EBF2: variants seen among roughly 807,000 people sequenced by gnomAD.
EBF2 encodes the protein EBF transcription factor 2.
Under a neutral mutation model 72.8 loss-of-function variants are expected in EBF2, and 21 were observed. That is an observed-to-expected ratio of 0.29 (90% confidence interval 0.20 to 0.42). The LOEUF (loss-of-function observed/expected upper bound fraction) is 0.42, where lower values mean the gene tolerates loss of function less well. Among genes scored for constraint, EBF2 ranks in the 10% least tolerant of loss-of-function variants. The probability of loss-of-function intolerance (pLI) is 1.00; values close to 1 mark genes in which losing one functional copy is unlikely to be tolerated. For missense variants in EBF2, 637 were observed against 731.2 expected, an observed-to-expected ratio of 0.87 and a Z score of 1.49; for synonymous variants, 299 against 274.2, an observed-to-expected ratio of 1.09 and a Z score of -0.89.
At chr8:25,963,997 T>C (rs1216089017) in intron 6 of EBF2, among the ~76,000 whole-genome samples, 1 of 152,122 alleles carries the variant, frequency 6.6e-6, no homozygotes, top group Non-Finnish European at 1.5e-5. Flanking sequence ...TCCTTGCTGC[T>C]GATGAAGCAC....
intron 10 of EBF2, among the ~76,000 whole-genome samples, chr8:25,883,645 G>A (rs542474127): frequency 2.0e-5 from 3 of 152,148 alleles, no homozygotes; most frequent in South Asian, 2.1e-4. Flanking sequence ...GCACACACAC[G>A]TACACAACAC....
At chr8:25,998,552 G>A (rs979344759) in intron 6 of EBF2, among the ~76,000 whole-genome samples, 4 of 152,188 alleles carry the variant, frequency 2.6e-5, no homozygotes, top group Non-Finnish European at 5.9e-5. Context: ...ATCCTTCCAT[G>A]TAAACTCCAG....
chr8:25,955,065 C>T (rs1310444263), intron 6 of EBF2, among the ~76,000 whole-genome samples: 2 of 152,176 alleles, frequency 1.3e-5, no homozygotes, highest in Non-Finnish European at 2.9e-5. Context: ...GAGGAGGGCA[C>T]GGAGCGCATC....
At chr8:26,020,215 C>A (rs564029079) in intron 6 of EBF2, among the ~76,000 whole-genome samples, 2 of 152,236 alleles carry the variant, frequency 1.3e-5, no homozygotes, top group Admixed American at 1.3e-4. Context: ...CTGTCATGAC[C>A]AAATATTAAA....
At position 25,853,824 on chromosome 8, in the gene EBF2, T is replaced by G. The variant is rs73677223; in HGVS notation, c.1529-3063A>C. 3.4e-3 allele frequency among the ~76,000 whole-genome samples: 438 copies of G among 129,406 alleles called. 3 individuals carry two copies. The highest frequency in any genetic ancestry group is 0.015 in the African/African-American group (413 of 27,652). 84.9% of individuals were successfully genotyped at this position (129,406 alleles called of 152,430 possible). A position where few individuals can be genotyped will look rare whatever the true frequency, so the allele number is the denominator to read the frequency against. Reference sequence around the variant, plus strand: ...GTTGTAGAATAATCACATGGAAATATACACCTCTTCAGATGAAAAAAAAAC... The same window carrying G: ...GTTGTAGAATAATCACATGGAAATAGACACCTCTTCAGATGAAAAAAAAAC... On this transcript the variant is annotated intron_variant, in intron 14 of 15. Transcript: ENST00000520164.
At chr8:25,906,547 A>C (rs1803035333) in intron 7 of EBF2, among the ~76,000 whole-genome samples, 3 of 152,138 alleles carry the variant, frequency 2.0e-5, no homozygotes, top group African/African-American at 7.2e-5. Context: ...CGGGTGGATC[A>C]CTTGAGGTCT....
chr8:25,968,458 C>T (rs778828681), intron 6 of EBF2, among the ~76,000 whole-genome samples: 19 of 152,166 alleles, frequency 1.2e-4, no homozygotes, highest in Non-Finnish European at 7.3e-5. Flanking sequence ...TAATCCCACT[C>T]ACATGAGGTT....
chr8:25,856,471 A>G (rs1394611302), intron 14 of EBF2, among the ~76,000 whole-genome samples: 3 of 152,224 alleles, frequency 2.0e-5, no homozygotes, highest in Non-Finnish European at 4.4e-5. Flanking sequence ...AAGTCATTCA[A>G]TAACTCTTCA....
intron 5 of EBF2, 23 bp downstream of exon 5, chr8:26,040,005 G>A (rs766452547): frequency 6.2e-7 from 1 of 1,611,658 alleles, no homozygotes; most frequent in Non-Finnish European, 8.5e-7. Flanking sequence ...CTCCAGGAAG[G>A]CCTGGGAAAA....
At chr8:25,872,649 T>G (rs953727336) in intron 10 of EBF2, among the ~76,000 whole-genome samples, 2 of 151,698 alleles carry the variant, frequency 1.3e-5, no homozygotes, top group Non-Finnish European at 2.9e-5. Flanking sequence ...GGAAAACCAC[T>G]GAAAGGTTTT....
intron 6 of EBF2, among the ~76,000 whole-genome samples, chr8:25,956,278 TGTG>T (rs1166012462): frequency 6.6e-6 from 1 of 151,858 alleles, no homozygotes; most frequent in Non-Finnish European, 1.5e-5. Context: ...ATTAGCTGGG[TGTG>T]GTGGCACATG....
intron 11 of EBF2, among the ~76,000 whole-genome samples, chr8:25,862,463 T>A (rs1262035154): frequency 6.6e-6 from 1 of 152,232 alleles, no homozygotes; most frequent in African/African-American, 2.4e-5. Context: ...GTTGGCCATG[T>A]TTTTTAAACT....
Position 25,858,479 on chromosome 8 carries a change from G to A in EBF2, c.1368C>T (p.Ile456=). 6.2e-7 allele frequency: 1 copy of A among 1,613,914 alleles called. No individual in the cohort carries two copies. The highest frequency in any genetic ancestry group is 8.5e-7 in the Non-Finnish European group (1 of 1,179,980). ...AGCTGGAAGAGTATCCCCGCGGAGAGATGCTGCTTGTGTTGCGGATGTACC... is the reference window on the plus strand; with the variant it reads ...AGCTGGAAGAGTATCCCCGCGGAGAAATGCTGCTTGTGTTGCGGATGTACC... The part of the protein sequence containing the change: ...NQGYIRNTSS[I]SPRGYSSSST... The change falls in exon 14 of 16, where the codon ATC becomes ATT. Residue 456 remains isoleucine, a synonymous_variant. Coordinates refer to ENST00000520164, the MANE Select transcript of EBF2 (RefSeq NM_022659.4).
chr8:25,913,788 C>T (rs73225925), intron 6 of EBF2, among the ~76,000 whole-genome samples: 1 of 152,308 alleles, frequency 6.6e-6, no homozygotes, highest in South Asian at 2.1e-4. Flanking sequence ...TATGGCCTCA[C>T]AGACCACATA....
chr8:26,004,397 T>C (rs1804792232), intron 6 of EBF2, among the ~76,000 whole-genome samples: 1 of 152,114 alleles, frequency 6.6e-6, no homozygotes, highest in Non-Finnish European at 1.5e-5. Flanking sequence ...TAAATAAGTC[T>C]GGCACAGTGG....
intron 10 of EBF2, among the ~76,000 whole-genome samples, chr8:25,877,013 A>G (rs1220337124): frequency 6.6e-6 from 1 of 152,222 alleles, no homozygotes; most frequent in East Asian, 1.9e-4. Context: ...TGTGTAGTCC[A>G]GGTTCTGCAA....
At chr8:25,855,220 A>T (rs757457964) in intron 14 of EBF2, among the ~76,000 whole-genome samples, 9 of 152,100 alleles carry the variant, frequency 5.9e-5, no homozygotes, top group Non-Finnish European at 1.0e-4. Context: ...GCTGGAACTC[A>T]CCGGGCACAT....
intron 10 of EBF2, among the ~76,000 whole-genome samples, chr8:25,873,824 T>C (rs1296771378): frequency 6.6e-6 from 1 of 152,160 alleles, no homozygotes; most frequent in Non-Finnish European, 1.5e-5. Flanking sequence ...ATAAATACAC[T>C]CTTGCTCTCT....
chr8:25,943,557 G>A (rs1047238988), intron 6 of EBF2, among the ~76,000 whole-genome samples: 1 of 151,906 alleles, frequency 6.6e-6, no homozygotes, highest in Non-Finnish European at 1.5e-5. Context: ...GAGGGTTCCT[G>A]ACTCCTAGTT....
Sources: gnomAD v4.1 joint callset for allele counts (sites outside exome capture counted in the v4.1 genomes callset) on GRCh38, gnomAD v4.1.1 for gene constraint, MANE v1.5 for transcripts, NCBI Gene and HGNC (gene_info 2026-07-23, HGNC 2026-07-21) for gene names.